Variants in ACSS3 observed in about 807,000 individuals in gnomAD.
ACSS3 encodes acyl-CoA synthetase short-chain family member 3, mitochondrial.
Under a neutral mutation model 84.2 loss-of-function variants are expected in ACSS3, and 64 were observed. The ratio of observed to expected loss-of-function variants is 0.76; its 90% CI spans 0.62 to 0.94. ACSS3 has a LOEUF of 0.94. ACSS3 is among the 40% of genes least tolerant of loss of function. ACSS3 has a pLI of 0.00. For synonymous variants in ACSS3, 317 were observed against 310.1 expected (o/e 1.02, Z -0.23); for missense variants, 815 against 867.6 (o/e 0.94, Z 0.76).
At chr12:81,188,579 T>C in intron 8 of ACSS3, among the ~76,000 whole-genome samples, 1 of 152,030 alleles carries the variant, frequency 6.6e-6, no homozygotes, top group Non-Finnish European at 1.5e-5. Context: ...TATATTAGTT[T>C]TGCTTGTTTT....
chr12:81,200,768 G>T (rs886447486), intron 9 of ACSS3, among the ~76,000 whole-genome samples: 4 of 151,650 alleles, frequency 2.6e-5, no homozygotes, highest in African/African-American at 9.7e-5. Context: ...AGGCGTGATG[G>T]AGCGTGCCTG....
chr12:81,112,022 G>A (rs1883639908), intron 2 of ACSS3, among the ~76,000 whole-genome samples: 1 of 152,144 alleles, frequency 6.6e-6, no homozygotes, highest in Non-Finnish European at 1.5e-5. Context: ...CTCTCACACT[G>A]GGATGAGTTA....
At chr12:81,185,417 A>G (rs928379383) in intron 8 of ACSS3, among the ~76,000 whole-genome samples, 5 of 151,712 alleles carry the variant, frequency 3.3e-5, no homozygotes, top group African/African-American at 1.2e-4. Flanking sequence ...CTATTTGCAG[A>G]TGATGTTGTC....
chr12:81,190,338 A>G (rs1393765129), intron 8 of ACSS3, among the ~76,000 whole-genome samples: 1 of 152,076 alleles, frequency 6.6e-6, no homozygotes, highest in Non-Finnish European at 1.5e-5. Flanking sequence ...TACTGTGTGA[A>G]AATCTTGCAT....
At chr12:81,182,404 A>G (rs2030995569) in intron 8 of ACSS3, among the ~76,000 whole-genome samples, 1 of 152,212 alleles carries the variant, frequency 6.6e-6, no homozygotes, top group Non-Finnish European at 1.5e-5. Flanking sequence ...AAGTCCTTCA[A>G]GGAGAAACAA....
intron 7 of ACSS3, among the ~76,000 whole-genome samples, chr12:81,155,071 T>G (rs1465068864): frequency 6.6e-6 from 1 of 152,208 alleles, no homozygotes; most frequent in Non-Finnish European, 1.5e-5. Flanking sequence ...GATACATTTA[T>G]GTCTAGAAGA....
rs185888307 is a variant in ACSS3 at position 81,156,701 on chromosome 12, A to G, written c.1098+4605A>G. 3.3e-3 allele frequency among the ~76,000 whole-genome samples: 509 copies of G among 152,298 alleles called. 3 individuals carry two copies. Among genetic ancestry groups the G allele is most frequent in the African/African-American group, 0.012 (495 of 41,572 alleles). ...CATAAATTTGACAACTTAGATGAAG[A>G]TGAAATAGACTAATTCCTCAAAAAC... On this transcript the variant is annotated intron_variant, in intron 7 of 15. Coordinates refer to ENST00000548058, the MANE Select transcript of ACSS3 (RefSeq NM_024560.4).
intron 1 of ACSS3, among the ~76,000 whole-genome samples, chr12:81,081,005 G>T (rs928068643): frequency 6.6e-6 from 1 of 152,166 alleles, no homozygotes; most frequent in Non-Finnish European, 1.5e-5. Flanking sequence ...ATAGCTAATT[G>T]TTCTCTCCTC....
At chr12:81,210,567 T>C (rs150324732) in intron 9 of ACSS3, among the ~76,000 whole-genome samples, 1 of 152,250 alleles carries the variant, frequency 6.6e-6, no homozygotes, top group East Asian at 1.9e-4. Flanking sequence ...ACCAAACTGA[T>C]ATGGGGATGC....
intron 13 of ACSS3, among the ~76,000 whole-genome samples, chr12:81,241,011 A>AG (rs2033783307): frequency 1.0e-5 from 1 of 99,576 alleles, no homozygotes; most frequent in East Asian, 3.7e-4. Flanking sequence ...AACAGTCCCC[A>AG]TGTGTGATGT....
At chr12:81,201,586 C>T (rs1295216726) in intron 9 of ACSS3, among the ~76,000 whole-genome samples, 1 of 152,154 alleles carries the variant, frequency 6.6e-6, no homozygotes, top group Non-Finnish European at 1.5e-5. Flanking sequence ...TGAGAATTTG[C>T]AATTTTTCTT....
At chr12:81,084,244 C>G (rs935022435) in intron 1 of ACSS3, among the ~76,000 whole-genome samples, 4 of 151,982 alleles carry the variant, frequency 2.6e-5, no homozygotes, top group Non-Finnish European at 5.9e-5. Context: ...TTATCAGAAG[C>G]CAAGTTTGAC....
chr12:81,089,755 C>T (rs1881554103), intron 1 of ACSS3, among the ~76,000 whole-genome samples: 1 of 151,946 alleles, frequency 6.6e-6, no homozygotes. Flanking sequence ...TATAGTACTG[C>T]TGTTTTGGTA....
Position 81,233,127 on chromosome 12 carries a change from A to G in ACSS3, c.1597-222A>G, listed in dbSNP as rs959973358. Among the ~76,000 whole-genome samples, 29 of 151,822 alleles carry G rather than the reference A, an allele frequency of 1.9e-4. No homozygotes were observed. In the Admixed American group the frequency reaches 1.9e-3, roughly 10 times the overall value. ...CAACTCTATATTCAAACACTTAAAC[A>G]TTTCTAAAAACACTTCAACTTATTC... On this transcript the variant is annotated intron_variant, in intron 12 of 15. Transcript: ENST00000548058.
rs2035279912 is a variant in ACSS3 at position 81,260,955 on chromosome 12, T to G, written c.*6033T>G. ...ATCTAAGAAACCACAGTTTTACTAT[T>G]AAGACTGTTTTTCAATAAAACCTCA... On this transcript the variant is annotated 3_prime_UTR_variant, in exon 16 of 16. Transcript: ENST00000548058. The G allele has an allele frequency of 1.3e-5, 2 of 152,236 alleles. No homozygotes were observed. Among genetic ancestry groups the G allele is most frequent in the African/African-American group, 2.4e-5 (1 of 41,460 alleles). 9.4% of individuals were successfully genotyped at this position (152,236 alleles called of 1,614,324 possible). A position where few individuals can be genotyped will look rare whatever the true frequency, so the allele number is the denominator to read the frequency against.
At position 81,233,438 on chromosome 12, in the gene ACSS3, A is replaced by G; in HGVS notation, c.1686A>G (p.Ala562=). Residue 562 remains alanine (A), a synonymous_variant, in exon 13 of 16, where the codon GCA becomes GCG. Coordinates refer to ENST00000548058, the MANE Select transcript of ACSS3 (RefSeq NM_024560.4). Reference sequence around the variant, plus strand: ...GAGTGGATGATGTAATAAATGTTGCAGGTCACAGAATTTCTGCAGGCGCCA... The same window carrying G: ...GAGTGGATGATGTAATAAATGTTGCGGGTCACAGAATTTCTGCAGGCGCCA... ...MSRVDDVINV[A]GHRISAGAIE... is the part of the protein sequence containing the mutation. The G allele has an allele frequency of 6.2e-7, 1 of 1,611,024 alleles. No individual in the cohort carries two copies. Among genetic ancestry groups the G allele is most frequent in the Non-Finnish European group, 8.5e-7 (1 of 1,177,930 alleles).
chr12:81,080,726 G>A (rs2121255758), intron 1 of ACSS3, among the ~76,000 whole-genome samples: 1 of 152,306 alleles, frequency 6.6e-6, no homozygotes, highest in Admixed American at 6.5e-5. Flanking sequence ...CAGAAGGGCA[G>A]ACTGAATTTA....
At chr12:81,173,607 C>G (rs945334126) in intron 7 of ACSS3, among the ~76,000 whole-genome samples, 3 of 152,008 alleles carry the variant, frequency 2.0e-5, no homozygotes, top group African/African-American at 7.2e-5. Context: ...ATAGTCCATT[C>G]CTTTTTCTAA....
At position 81,257,548 on chromosome 12, in the gene ACSS3, G is replaced by A. The variant is rs1407757869; in HGVS notation, c.*2626G>A. 1.3e-5 allele frequency: 2 copies of A among 151,872 alleles called. No individual in the cohort carries two copies. The highest frequency in any genetic ancestry group is 6.6e-5 in the Admixed American group (1 of 15,242). 9.4% of individuals were successfully genotyped at this position (151,872 alleles called of 1,614,324 possible). ...TAGGATTTCTTACTGTTAAGTTATTGGAAAATGAAAATATAAAGTGCTTTC... is the reference window on the plus strand; with the variant it reads ...TAGGATTTCTTACTGTTAAGTTATTAGAAAATGAAAATATAAAGTGCTTTC... On this transcript the variant is annotated 3_prime_UTR_variant, in exon 16 of 16. Coordinates refer to ENST00000548058, the MANE Select transcript of ACSS3 (RefSeq NM_024560.4).
Sources: gnomAD v4.1 joint callset for allele counts (sites outside exome capture counted in the v4.1 genomes callset) on GRCh38, gnomAD v4.1.1 for gene constraint, MANE v1.5 for transcripts, NCBI Gene and HGNC (gene_info 2026-07-23, HGNC 2026-07-21) for gene names.